Variants in TNKS observed in about 807,000 individuals in gnomAD.
TNKS encodes the protein poly [ADP-ribose] polymerase tankyrase-1.
TNKS carries 72 observed loss-of-function variants against 135.8 expected under a neutral mutation model. The observed-to-expected ratio is 0.53, with a 90% CI of 0.44 to 0.64. The LOEUF is 0.64. TNKS is among the 30% of genes least tolerant of loss of function. The pLI, the probability that TNKS is intolerant of heterozygous loss-of-function variation, is 0.00. For synonymous variants in TNKS, 849 were observed against 649.3 expected, an observed-to-expected ratio of 1.31 and a Z score of -4.68; for missense variants, 1,769 against 1,674.0, an observed-to-expected ratio of 1.06 and a Z score of -0.99.
chr8:9,720,148 C>A (rs920189927), intron 11 of TNKS, among the ~76,000 whole-genome samples: 1 of 151,896 alleles, frequency 6.6e-6, no homozygotes, highest in Non-Finnish European at 1.5e-5. Flanking sequence ...ATGGTCATTC[C>A]GGGAAGAAAG....
Position 9,733,456 on chromosome 8 carries a change from A to T in TNKS, c.2313+12A>T, listed in dbSNP as rs372871296. On this transcript the variant is annotated intron_variant, in intron 15 of 26. Coordinates refer to ENST00000310430, the MANE Select transcript of TNKS (RefSeq NM_003747.3). ...AGCTCCTTTTAAAAGTATGTAGTTT[A>T]AAAAGTTATGAAATATAACTAATTT... is the stretch of plus-strand genomic sequence containing the variant. The T allele has an allele frequency of 1.4e-5, 23 of 1,604,090 alleles. No individual in the cohort carries two copies. The East Asian group carries it at 2.2e-4, about 16-fold the overall frequency.
chr8:9,644,516 A>G (rs576219583), intron 3 of TNKS, among the ~76,000 whole-genome samples: 4 of 152,308 alleles, frequency 2.6e-5, no homozygotes, highest in South Asian at 2.1e-4. Flanking sequence ...GTTTCCCACT[A>G]GAACTTTTTC....
rs564247094 is a variant in TNKS, at chr8:9,595,870, T to C, written c.898+15487T>C. Among the ~76,000 whole-genome samples the C allele has an allele frequency of 8.5e-5, 13 of 152,254 alleles. No homozygotes were observed. In the East Asian group the frequency reaches 2.3e-3, roughly 27 times the overall value. On this transcript the variant is annotated intron_variant, in intron 2 of 26. Transcript: ENST00000310430. The stretch of plus-strand genomic sequence containing the variant: ...ACTCATACCTCTAATCTTGGCACTT[T>C]GGGAGGCCAAAGTGGGAGGATTGCT...
At chr8:9,654,358 C>T (rs1222725833) in intron 3 of TNKS, among the ~76,000 whole-genome samples, 2 of 136,612 alleles carry the variant, frequency 1.5e-5, no homozygotes, top group Non-Finnish European at 1.6e-5. Context: ...AACTAAAAAT[C>T]GAGTGTTTCT....
chr8:9,698,345 C>T (rs1232489954), intron 5 of TNKS, among the ~76,000 whole-genome samples: 1 of 125,858 alleles, frequency 7.9e-6, no homozygotes, highest in Non-Finnish European at 1.6e-5. Flanking sequence ...GCACATGGCC[C>T]CCTGTATCTA....
chr8:9,653,815 TC>T (rs1801238260), intron 3 of TNKS, among the ~76,000 whole-genome samples: 1 of 152,172 alleles, frequency 6.6e-6, no homozygotes, highest in Non-Finnish European at 1.5e-5. Context: ...TTCTGCTGGC[TC>T]CCCTCACTCT....
rs925918720 is a variant in TNKS at position 9,740,073 on chromosome 8, A to G, written c.2643+4587A>G. Among the ~76,000 whole-genome samples the G allele has an allele frequency of 1.9e-4, 29 of 150,180 alleles. No homozygotes were observed. In the South Asian group the frequency reaches 2.7e-3, roughly 14 times the overall value. On this transcript the variant is annotated intron_variant, in intron 17 of 26. Coordinates refer to ENST00000310430, the MANE Select transcript of TNKS (RefSeq NM_003747.3). ...AGTATAATAAAAAAAAAAAAAAAAAAAAAAAAAGAAAGTCCAGAGTTATCC... is the reference window on the plus strand; with the variant it reads ...AGTATAATAAAAAAAAAAAAAAAAAGAAAAAAAGAAAGTCCAGAGTTATCC...
intron 2 of TNKS, among the ~76,000 whole-genome samples, chr8:9,606,155 T>TG (rs1554447145): frequency 8.9e-4 from 10 of 11,262 alleles, no homozygotes; most frequent in Non-Finnish European, 5.5e-3. Flanking sequence ...TTATTTTGTG[T>TG]TTTTTTTTTT....
intron 1 of TNKS, among the ~76,000 whole-genome samples, chr8:9,573,356 A>G (rs577874177): frequency 6.6e-6 from 1 of 152,330 alleles, no homozygotes; most frequent in Admixed American, 6.5e-5. Flanking sequence ...GACAAAAGTA[A>G]GGTATAGAAA....
intron 26 of TNKS, among the ~76,000 whole-genome samples, chr8:9,771,798 A>G (rs1480311826): frequency 4.0e-5 from 1 of 24,788 alleles, no homozygotes; most frequent in Non-Finnish European, 6.8e-5. Context: ...AGGAGAAGGG[A>G]AGTGGGGGAG....
chr8:9,774,620 C>G (rs934790768), intron 26 of TNKS, among the ~76,000 whole-genome samples: 7 of 152,320 alleles, frequency 4.6e-5, no homozygotes, highest in Admixed American at 2.0e-4. Flanking sequence ...CTTAATCCCT[C>G]TGGACTGTAA....
chr8:9,628,378 G>C (rs1330973593), intron 3 of TNKS, among the ~76,000 whole-genome samples: 2 of 151,850 alleles, frequency 1.3e-5, no homozygotes, highest in East Asian at 3.9e-4. Context: ...TTTTCTCCCT[G>C]AGTTTTTTAA....
At chr8:9,695,071 C>G (rs1803449001) in intron 5 of TNKS, among the ~76,000 whole-genome samples, 1 of 152,050 alleles carries the variant, frequency 6.6e-6, no homozygotes, top group Admixed American at 6.5e-5. Flanking sequence ...AATGTAAATG[C>G]TAAAATTCCA....
intron 8 of TNKS, among the ~76,000 whole-genome samples, chr8:9,707,742 T>C (rs1446574080): frequency 6.6e-6 from 1 of 152,192 alleles, no homozygotes; most frequent in African/African-American, 2.4e-5. Flanking sequence ...GTTATGAAAA[T>C]AATAAGCTAT....
At chr8:9,715,078 A>G (rs972886517) in intron 11 of TNKS, among the ~76,000 whole-genome samples, 2 of 152,160 alleles carry the variant, frequency 1.3e-5, no homozygotes, top group Non-Finnish European at 2.9e-5. Context: ...CACAGTGTCT[A>G]CAGAGTACAG....
chr8:9,742,063 G>T (rs911923617), intron 17 of TNKS, among the ~76,000 whole-genome samples: 1 of 152,094 alleles, frequency 6.6e-6, no homozygotes, highest in African/African-American at 2.4e-5. Flanking sequence ...AATTCTCCAG[G>T]CCTTGTAAAG....
intron 3 of TNKS, among the ~76,000 whole-genome samples, chr8:9,659,090 C>G (rs961213422): frequency 5.3e-5 from 8 of 152,112 alleles, no homozygotes; most frequent in Non-Finnish European, 7.4e-5. Flanking sequence ...TAAAGCAAGT[C>G]CTTAGTGAAG....
rs576460631 is a variant in TNKS at position 9,724,192 on chromosome 8, A to G, written c.1922-2449A>G. Among the ~76,000 whole-genome samples, 227 of 152,316 alleles carry G rather than the reference A, an allele frequency of 1.5e-3. 1 individual carries two copies. Among genetic ancestry groups the G allele is most frequent in the Non-Finnish European group, 2.4e-3 (164 of 68,018 alleles). On this transcript the variant is annotated intron_variant, in intron 12 of 26. Coordinates refer to ENST00000310430, the MANE Select transcript of TNKS (RefSeq NM_003747.3). ...AGGCTGAGTGTGGTTGCTCACGCCT[A>G]TAATCCCTGCACTTTGGGAGGCAAC... is the stretch of plus-strand genomic sequence containing the variant.
chr8:9,559,799 C>G (rs983346925), intron 1 of TNKS, among the ~76,000 whole-genome samples: 5 of 152,134 alleles, frequency 3.3e-5, no homozygotes. Flanking sequence ...TAATCATATT[C>G]TTTCCAGCAG....
Sources: gnomAD v4.1 joint callset for allele counts (sites outside exome capture counted in the v4.1 genomes callset) on GRCh38, gnomAD v4.1.1 for gene constraint, MANE v1.5 for transcripts, NCBI Gene and HGNC (gene_info 2026-07-23, HGNC 2026-07-21) for gene names.